POGLUT1: variants seen among roughly 807,000 people sequenced by gnomAD.
The protein encoded by POGLUT1 is protein O-glucosyltransferase 1.
A neutral mutation model predicts 61.3 loss-of-function variants in POGLUT1; 32 were observed. The observed-to-expected ratio is 0.52, with a 90% confidence interval of 0.39 to 0.70. POGLUT1 has a LOEUF of 0.70. Ranked by LOEUF, POGLUT1 falls within the 30% of genes least tolerant of loss-of-function variation. The pLI, the probability that POGLUT1 is intolerant of heterozygous loss-of-function variation, is 0.00. For synonymous variants in POGLUT1, 158 were observed against 158.2 expected (o/e 1.00, Z 0.01); for missense variants, 411 against 469.8 (o/e 0.87, Z 1.16).
rs756990598 is a variant in POGLUT1, at chr3:119,492,354, A to C, written c.1095A>C (p.Glu365Asp). 8 of 1,608,700 alleles carry C rather than the reference A, an allele frequency of 5.0e-6. No homozygotes were observed. The East Asian group carries it at 1.6e-4, about 31-fold the overall frequency. The change falls in exon 11 of 11, where the codon GAA becomes GAC. Residue 365 changes from glutamate to aspartate, a missense_variant. Glu to Asp is a conservative substitution (Grantham distance 45). Coordinates refer to ENST00000295588, the MANE Select transcript of POGLUT1 (RefSeq NM_152305.3). ...ITCYWENLLS[E>D]YSKFLSYNVT... ...GTTACTGGGAGAACCTCTTGAGTGA[A>C]TACTCTAAATTCCTGTCTTATAATG... is the stretch of plus-strand genomic sequence containing the variant.
intron 9 of POGLUT1, 44 bp downstream of exon 9, chr3:119,490,762 A>G: frequency 6.4e-7 from 1 of 1,554,658 alleles, no homozygotes; most frequent in East Asian, 2.3e-5. Flanking sequence ...AGACCCTTCC[A>G]ATCTGCTTTT....
rs1409792734 is a variant in POGLUT1 at position 119,493,230 on chromosome 3, C to T, written c.*792C>T. ...GCAGCTCTTCCTCACCCTTTGCATA[C>T]CTTTAATATTTTTCCTTCTTAAATT... On this transcript the variant is annotated 3_prime_UTR_variant, in exon 11 of 11. Coordinates refer to ENST00000295588, the MANE Select transcript of POGLUT1 (RefSeq NM_152305.3). 6.6e-6 allele frequency: 1 copy of T among 152,104 alleles called. No homozygotes were observed. Among genetic ancestry groups the T allele is most frequent in the Non-Finnish European group, 1.5e-5 (1 of 67,972 alleles). The allele number at this position is 152,104 out of a possible 1,614,324, so 9.4% of individuals were successfully genotyped here. A position where few individuals can be genotyped will look rare whatever the true frequency, so the allele number is the denominator to read the frequency against.
At chr3:119,487,220 C>T (rs777485471) in intron 7 of POGLUT1, among the ~76,000 whole-genome samples, 1 of 152,158 alleles carries the variant, frequency 6.6e-6, no homozygotes, top group Non-Finnish European at 1.5e-5. Context: ...TTTTGCAGGT[C>T]GTATGGTCTC....
intron 3 of POGLUT1, 109 bp from the exon 4 acceptor site, chr3:119,477,204 G>A: frequency 1.9e-6 from 2 of 1,051,034 alleles, no homozygotes; most frequent in Non-Finnish European, 2.9e-6. Context: ...TGATGATATG[G>A]AACACTGGAA....
In POGLUT1 at chr3:119,494,535, A is replaced by C. The variant is rs1167565466; in HGVS notation, c.*2097A>C. The C allele has an allele frequency of 3.3e-5, 5 of 152,622 alleles. No individual in the cohort carries two copies. Among genetic ancestry groups the C allele is most frequent in the Admixed American group, 3.3e-4 (5 of 15,288 alleles). The allele number at this position is 152,622 out of a possible 1,614,324, so 9.5% of individuals were successfully genotyped here. On this transcript the variant is annotated 3_prime_UTR_variant, in exon 11 of 11. Transcript: ENST00000295588. ...GATATGAGGATGGTATAACTATGTAAATTGTTTTTGAAAATAATTTGTTTC... is the reference window on the plus strand; with the variant it reads ...GATATGAGGATGGTATAACTATGTACATTGTTTTTGAAAATAATTTGTTTC...
At chr3:119,486,300 A>T (rs1041376621) in intron 6 of POGLUT1, among the ~76,000 whole-genome samples, 1 of 152,210 alleles carries the variant, frequency 6.6e-6, no homozygotes, top group Admixed American at 6.5e-5. Flanking sequence ...GGAATCCATG[A>T]TGCCTCACAT....
chr3:119,485,738 G>A (rs1191872799), intron 6 of POGLUT1, among the ~76,000 whole-genome samples: 1 of 152,196 alleles, frequency 6.6e-6, no homozygotes, highest in Non-Finnish European at 1.5e-5. Flanking sequence ...TACTCTGCTG[G>A]TTAATGCAGA....
chr3:119,473,508 T>C (rs2081501138), intron 3 of POGLUT1, among the ~76,000 whole-genome samples: 1 of 152,128 alleles, frequency 6.6e-6, no homozygotes, highest in Non-Finnish European at 1.5e-5. Context: ...TTCCCTATCC[T>C]AGCTACATAT....
At chr3:119,482,584 C>A (rs951013256) in intron 5 of POGLUT1, among the ~76,000 whole-genome samples, 2 of 152,048 alleles carry the variant, frequency 1.3e-5, no homozygotes, top group African/African-American at 4.8e-5. Context: ...ATACTTTTTT[C>A]TTTTGATACC....
intron 5 of POGLUT1, among the ~76,000 whole-genome samples, chr3:119,485,073 C>G (rs574721546): frequency 6.6e-6 from 1 of 152,062 alleles, no homozygotes. Flanking sequence ...CAAAATTAGC[C>G]GGGCGTGGTG....
chr3:119,469,140 G>A, intron 1 of POGLUT1, 34 bp downstream of exon 1: 1 of 1,528,412 alleles, frequency 6.5e-7, no homozygotes, highest in Non-Finnish European at 8.9e-7. Context: ...CTGCCCCTTG[G>A]GCTCGGGGTC....
intron 4 of POGLUT1, among the ~76,000 whole-genome samples, chr3:119,478,888 C>G (rs1323808943): frequency 2.3e-5 from 2 of 86,002 alleles, no homozygotes; most frequent in Non-Finnish European, 4.6e-5. Flanking sequence ...GCAGGTGGAT[C>G]AAAAAAAAAA....
In POGLUT1 at chr3:119,475,627, A is replaced by G. The variant is rs554327460; in HGVS notation, c.321-1686A>G. Among the ~76,000 whole-genome samples the G allele has an allele frequency of 1.2e-4, 19 of 152,260 alleles. No homozygotes were observed. The East Asian group carries it at 3.7e-3, about 29-fold the overall frequency. ...CAGGAGTTCAAGACCAGCCTGGCCA[A>G]CATGGTGAGAACCTATCTCTACTAA... On this transcript the variant is annotated intron_variant, in intron 3 of 10. Transcript: ENST00000295588.
chr3:119,471,252 G>C, intron 2 of POGLUT1, 57 bp from the exon 3 acceptor site: 1 of 1,541,624 alleles, frequency 6.5e-7, no homozygotes, highest in South Asian at 1.1e-5. Context: ...TAGGAAGTAG[G>C]TGGAATGGCA....
At chr3:119,490,279 C>T (rs1409845038) in intron 8 of POGLUT1, 1 of 416,106 alleles carries the variant, frequency 2.4e-6, no homozygotes, top group African/African-American at 2.0e-5. Context: ...ACCCGGCACC[C>T]AGCTCCTGAC....
rs2081588622 is a variant in POGLUT1 at position 119,480,111 on chromosome 3, G to A, written c.517G>A (p.Val173Ile). ...AWTFWEGGPA[V>I]WPIYPTGLGR... is the part of the protein sequence containing the mutation. ...GACATTTTGGGAAGGGGGACCTGCTGTTTGGCCAATTTATCCTACAGGTCT... is the reference window on the plus strand; with the variant it reads ...GACATTTTGGGAAGGGGGACCTGCTATTTGGCCAATTTATCCTACAGGTCT... The change falls in exon 5 of 11, where the codon GTT becomes ATT. Residue 173 changes from valine to isoleucine, a missense_variant. Physicochemically the swap from Val to Ile is conservative, Grantham distance 29. Coordinates refer to ENST00000295588, the MANE Select transcript of POGLUT1 (RefSeq NM_152305.3). The A allele has an allele frequency of 1.2e-6, 2 of 1,613,062 alleles. No homozygotes were observed. The highest frequency in any genetic ancestry group is 8.5e-7 in the Non-Finnish European group (1 of 1,179,546).
chr3:119,477,319 T>A lies in POGLUT1; in HGVS notation c.327T>A (p.Ser109Arg). The A allele has an allele frequency of 1.2e-6, 2 of 1,613,946 alleles. No individual in the cohort carries two copies. The highest frequency in any genetic ancestry group is 1.7e-6 in the Non-Finnish European group (2 of 1,179,892). ...ENDCMFPSRC[S>R]GVEHFILEVI... is the part of the protein sequence containing the mutation. Reference sequence around the variant, plus strand: ...TGGTATGTCTGGTTGACAGGTGTAGTGGTGTTGAGCACTTTATTTTGGAAG... The same window carrying A: ...TGGTATGTCTGGTTGACAGGTGTAGAGGTGTTGAGCACTTTATTTTGGAAG... Residue 109 changes from serine (S) to arginine (R), a missense_variant, in exon 4 of 11, where the codon AGT (serine) becomes AGA (arginine). Ser to Arg is a moderately radical substitution (Grantham distance 110). Coordinates refer to ENST00000295588, the MANE Select transcript of POGLUT1 (RefSeq NM_152305.3).
At chr3:119,489,785 G>A (rs751383750) in intron 8 of POGLUT1, 30 of 152,512 alleles carry the variant, frequency 2.0e-4, no homozygotes, top group South Asian at 8.3e-4. Context: ...GAGCATTACC[G>A]CCTGAGCTCT....
intron 3 of POGLUT1, among the ~76,000 whole-genome samples, chr3:119,472,712 C>CTAAA (rs59465834): frequency 0.44 from 67,087 of 151,028 alleles, 15,452 homozygotes; most frequent in East Asian, 0.63. Flanking sequence ...GCGAAACTGT[C>CTAAA]TAAATAAATA....
Sources: allele counts gnomAD v4.1 joint callset (sites outside exome capture counted in the v4.1 genomes callset), GRCh38; gene constraint gnomAD v4.1.1; transcripts MANE v1.5; gene names NCBI Gene and HGNC (gene_info 2026-07-23, HGNC 2026-07-21).